CDH12: variants seen among roughly 807,000 people sequenced by gnomAD.
The protein encoded by CDH12 is cadherin-12.
In CDH12, 41 loss-of-function variants were observed where a neutral mutation model predicts 74.1. The ratio of observed to expected loss-of-function variants is 0.55; its 90% CI spans 0.43 to 0.72. The LOEUF is 0.72. Among genes scored for constraint, CDH12 ranks in the 30% least tolerant of loss-of-function variants. The pLI, the probability that CDH12 is intolerant of heterozygous loss-of-function variation, is 0.00. For missense variants in CDH12, 945 were observed against 977.2 expected (o/e 0.97, Z 0.44); for synonymous variants, 399 against 355.0 (o/e 1.12, Z -1.39).
intron 4 of CDH12, among the ~76,000 whole-genome samples, chr5:22,200,375 G>A (rs555209126): frequency 6.6e-6 from 1 of 152,246 alleles, no homozygotes; most frequent in Non-Finnish European, 1.5e-5. Context: ...AGCTATAAGA[G>A]TGGTGCTTTT....
intron 4 of CDH12, among the ~76,000 whole-genome samples, chr5:22,201,507 T>G (rs763873377): frequency 1.5e-4 from 23 of 152,170 alleles, no homozygotes; most frequent in Non-Finnish European, 2.8e-4. Context: ...TGATACACAC[T>G]GAAGACTCAG....
At chr5:22,559,860 ATATAT>A (rs1738964260) in intron 1 of CDH12, among the ~76,000 whole-genome samples, 1 of 152,174 alleles carries the variant, frequency 6.6e-6, no homozygotes, top group African/African-American at 2.4e-5. Context: ...TTGAAAATGA[ATATAT>A]TATGTCATAC....
chr5:21,890,258 G>C (rs6452023), intron 6 of CDH12, among the ~76,000 whole-genome samples: 147,635 of 152,166 alleles, frequency 0.97, 71,753 homozygotes, highest in Non-Finnish European at 1. Flanking sequence ...AGCACAGAAT[G>C]TACTACAAAT....
At chr5:22,353,312 C>T (rs1430087500) in intron 3 of CDH12, among the ~76,000 whole-genome samples, 2 of 152,132 alleles carry the variant, frequency 1.3e-5, no homozygotes, top group African/African-American at 4.8e-5. Flanking sequence ...CAGAGAATGA[C>T]TGAACCCACT....
At chr5:22,053,653 G>C (rs1485612991) in intron 5 of CDH12, among the ~76,000 whole-genome samples, 2 of 151,984 alleles carry the variant, frequency 1.3e-5, no homozygotes, top group East Asian at 3.9e-4. Context: ...GAAGACAATA[G>C]TACTTCCCTC....
chr5:22,485,114 A>AT (rs1746534876), intron 2 of CDH12, among the ~76,000 whole-genome samples: 1 of 152,204 alleles, frequency 6.6e-6, no homozygotes, highest in African/African-American at 2.4e-5. Context: ...GTTCAGGTGT[A>AT]TAAAAACTTG....
chr5:22,723,961 T>C (rs1485123718), intron 1 of CDH12, among the ~76,000 whole-genome samples: 2 of 151,854 alleles, frequency 1.3e-5, no homozygotes, highest in Non-Finnish European at 2.9e-5. Context: ...CTCTTAATTC[T>C]CTCAACAACT....
intron 1 of CDH12, among the ~76,000 whole-genome samples, chr5:22,806,597 G>T (rs561340579): frequency 6.6e-6 from 1 of 151,812 alleles, no homozygotes; most frequent in Non-Finnish European, 1.5e-5. Context: ...CTCGTGATCC[G>T]CCCGCCTCGG....
intron 8 of CDH12, among the ~76,000 whole-genome samples, chr5:21,818,108 G>A (rs1219005893): frequency 3.3e-5 from 5 of 151,904 alleles, no homozygotes; most frequent in African/African-American, 1.2e-4. Flanking sequence ...GAAAGGAAAT[G>A]AGAGAAAATA....
intron 1 of CDH12, among the ~76,000 whole-genome samples, chr5:22,512,736 T>C (rs1193046012): frequency 6.6e-6 from 1 of 152,122 alleles, no homozygotes; most frequent in African/African-American, 2.4e-5. Flanking sequence ...ATCAGAGAAA[T>C]TGCTGCTAAA....
chr5:22,321,919 C>T (rs1343652546), intron 3 of CDH12, among the ~76,000 whole-genome samples: 1 of 151,936 alleles, frequency 6.6e-6, no homozygotes, highest in African/African-American at 2.4e-5. Context: ...AATTTCAGAC[C>T]AAAATCTGTG....
chr5:21,782,116 C>T (rs1764519717), intron 11 of CDH12, among the ~76,000 whole-genome samples: 1 of 152,158 alleles, frequency 6.6e-6, no homozygotes, highest in Non-Finnish European at 1.5e-5. Context: ...AAGACAGCAT[C>T]ACTCACATTT....
At chr5:21,753,210 A>C (rs1178066457) in intron 14 of CDH12, among the ~76,000 whole-genome samples, 1 of 152,184 alleles carries the variant, frequency 6.6e-6, no homozygotes, top group Non-Finnish European at 1.5e-5. Context: ...CACCTGTCAT[A>C]GAATTATAAA....
chr5:22,753,226 A>G, intron 1 of CDH12, among the ~76,000 whole-genome samples: 1 of 151,996 alleles, frequency 6.6e-6, no homozygotes, highest in East Asian at 2.0e-4. Context: ...AAACTGGAAT[A>G]TATTGAGTGA....
chr5:22,139,897 T>C (rs535367946), intron 4 of CDH12, among the ~76,000 whole-genome samples: 2 of 152,176 alleles, frequency 1.3e-5, no homozygotes, highest in South Asian at 2.1e-4. Context: ...CATTTCCTCC[T>C]GCCAAGTTGC....
rs1561586108 is a variant in CDH12, at chr5:22,698,730, TATATA to T, written c.-523+154323_-523+154327del. On this transcript the variant is annotated intron_variant, in intron 1 of 14. Coordinates refer to ENST00000382254, the MANE Select transcript of CDH12 (RefSeq NM_004061.5). ...ATATATATATATATATATATATATA[TATATA>T]GTGTGTGTGTGTGTGTGTGTGTGTG... Among the ~76,000 whole-genome samples the T allele has an allele frequency of 5.0e-3, 73 of 14,720 alleles. 6 individuals carry two copies. The highest frequency in any genetic ancestry group is 6.6e-3 in the Non-Finnish European group (48 of 7,314). 9.7% of individuals were successfully genotyped at this position (14,720 alleles called of 152,430 possible). A position where few individuals can be genotyped will look rare whatever the true frequency, so the allele number is the denominator to read the frequency against.
chr5:22,186,159 G>A (rs1011103546), intron 4 of CDH12, among the ~76,000 whole-genome samples: 4 of 152,214 alleles, frequency 2.6e-5, no homozygotes, highest in African/African-American at 9.6e-5. Flanking sequence ...CTTCTTGTAT[G>A]TGCGGCATAA....
chr5:22,420,104 T>G (rs756680034), intron 2 of CDH12, among the ~76,000 whole-genome samples: 1 of 152,106 alleles, frequency 6.6e-6, no homozygotes. Context: ...ATTTCAAAAT[T>G]TTCTCCTATT....
At chr5:22,029,393 A>G (rs1023905100) in intron 5 of CDH12, among the ~76,000 whole-genome samples, 16 of 152,102 alleles carry the variant, frequency 1.1e-4, no homozygotes, top group Non-Finnish European at 1.6e-4. Flanking sequence ...CAGAATCTAC[A>G]ATGAACTCAA....
Sources: gnomAD v4.1 joint callset for allele counts (sites outside exome capture counted in the v4.1 genomes callset) on GRCh38, gnomAD v4.1.1 for gene constraint, MANE v1.5 for transcripts, NCBI Gene and HGNC (gene_info 2026-07-23, HGNC 2026-07-21) for gene names.